The following ASTN2 variants were observed in gnomAD, a reference collection of about 807,000 sequenced individuals.
The protein encoded by ASTN2 is astrotactin-2.
ASTN2 carries 54 observed loss-of-function variants against 139.8 expected under a neutral mutation model. The ratio of observed to expected loss-of-function variants is 0.39; its 90% CI spans 0.31 to 0.48. ASTN2 has a LOEUF of 0.48. Ranked by LOEUF, ASTN2 falls within the 20% of genes least tolerant of loss-of-function variation. The pLI, the probability that ASTN2 is intolerant of heterozygous loss-of-function variation, is 0.95. For missense variants in ASTN2, 1,565 were observed against 1,725.1 expected (o/e 0.91, Z 1.64); for synonymous variants, 756 against 719.5 (o/e 1.05, Z -0.81).
intron 12 of ASTN2, among the ~76,000 whole-genome samples, chr9:116,814,959 T>C (rs979621372): frequency 1.3e-5 from 2 of 152,238 alleles, no homozygotes; most frequent in Non-Finnish European, 2.9e-5. Flanking sequence ...AACAAGGTTA[T>C]AATGTTTGAC....
At chr9:117,006,975 C>T (rs539064883) in intron 7 of ASTN2, among the ~76,000 whole-genome samples, 77 of 152,124 alleles carry the variant, frequency 5.1e-4, no homozygotes, top group Middle Eastern at 6.8e-3. Context: ...AAATTAGCGA[C>T]GTGTGGTGAT....
chr9:116,550,647 C>T (rs915831178), intron 19 of ASTN2, among the ~76,000 whole-genome samples: 6 of 152,070 alleles, frequency 3.9e-5, no homozygotes, highest in African/African-American at 7.2e-5. Context: ...CTCTTTTACT[C>T]GTGAAAGAAA....
At chr9:116,679,891 T>G (rs1182346638) in intron 16 of ASTN2, among the ~76,000 whole-genome samples, 2 of 152,280 alleles carry the variant, frequency 1.3e-5, no homozygotes, top group East Asian at 3.9e-4. Flanking sequence ...GAGGGAAATT[T>G]ATAGCAATAA....
intron 5 of ASTN2, among the ~76,000 whole-genome samples, chr9:117,063,533 G>T (rs1485992507): frequency 6.6e-6 from 1 of 152,132 alleles, no homozygotes; most frequent in African/African-American, 2.4e-5. Flanking sequence ...TGACTGTGAG[G>T]CCTCCCCAGC....
intron 3 of ASTN2, among the ~76,000 whole-genome samples, chr9:117,177,220 T>TATA (rs1364309455): frequency 6.6e-6 from 1 of 152,174 alleles, no homozygotes; most frequent in African/African-American, 2.4e-5. Flanking sequence ...ACAGTACCTG[T>TATA]ATAGGCCAAG....
rs16933596 is a variant in ASTN2, at chr9:116,487,688, C to A, written c.3356-188G>T. ...TGATGACTCTTTGTTCATATTTATG[C>A]GCAATTTTTTCATCCATAAAGTGGA... On this transcript the variant is annotated intron_variant, in intron 19 of 22. Coordinates refer to ENST00000313400, the MANE Select transcript of ASTN2 (RefSeq NM_001365068.1). 7.2e-5 allele frequency among the ~76,000 whole-genome samples: 11 copies of A among 152,208 alleles called. No individual in the cohort carries two copies. In the East Asian group the frequency reaches 2.1e-3, roughly 29 times the overall value.
chr9:116,652,171 A>G (rs1857954677), intron 16 of ASTN2, among the ~76,000 whole-genome samples: 1 of 151,932 alleles, frequency 6.6e-6, no homozygotes, highest in Non-Finnish European at 1.5e-5. Context: ...TAAAAATACA[A>G]AAAAATTAGC....
intron 3 of ASTN2, among the ~76,000 whole-genome samples, chr9:117,196,505 G>A (rs745673568): frequency 6.6e-6 from 1 of 152,162 alleles, no homozygotes; most frequent in Non-Finnish European, 1.5e-5. Flanking sequence ...CTGGGATCCT[G>A]AGAAATAGCA....
intron 3 of ASTN2, among the ~76,000 whole-genome samples, chr9:117,157,520 A>C (rs1200689360): frequency 6.6e-6 from 1 of 152,004 alleles, no homozygotes; most frequent in Non-Finnish European, 1.5e-5. Flanking sequence ...AAAGGGGGAG[A>C]ATATGGACTT....
At position 117,176,251 on chromosome 9, in the gene ASTN2, T is replaced by C. The variant is rs369665961; in HGVS notation, c.1016-34773A>G. ...GATTTTATTCATTGCTGGTGGAGTG[T>C]GGTAAGATAAAAAATTTAAAAGCAC... is the stretch of plus-strand genomic sequence containing the variant. On this transcript the variant is annotated intron_variant, in intron 3 of 22. Coordinates refer to ENST00000313400, the MANE Select transcript of ASTN2 (RefSeq NM_001365068.1). Among the ~76,000 whole-genome samples, 16 of 152,180 alleles carry C rather than the reference T, an allele frequency of 1.1e-4. No homozygotes were observed. In the East Asian group the frequency reaches 2.7e-3, roughly 26 times the overall value.
At chr9:117,327,406 A>G (rs935683531) in intron 1 of ASTN2, among the ~76,000 whole-genome samples, 8 of 152,194 alleles carry the variant, frequency 5.3e-5, no homozygotes, top group African/African-American at 1.9e-4. Flanking sequence ...CAACAGTCCC[A>G]TGGTAGAAAT....
At chr9:116,938,831 A>C (rs1205532268) in intron 10 of ASTN2, among the ~76,000 whole-genome samples, 1 of 152,234 alleles carries the variant, frequency 6.6e-6, no homozygotes, top group Non-Finnish European at 1.5e-5. Context: ...CTATTAAAAA[A>C]AGGGAATATT....
At chr9:117,102,822 A>C (rs1829013426) in intron 4 of ASTN2, among the ~76,000 whole-genome samples, 1 of 152,144 alleles carries the variant, frequency 6.6e-6, no homozygotes, top group East Asian at 1.9e-4. Flanking sequence ...GTGCCTGGCC[A>C]ATTAATGATT....
intron 2 of ASTN2, among the ~76,000 whole-genome samples, chr9:117,224,378 G>A (rs13293507): frequency 2.0e-5 from 3 of 151,926 alleles, no homozygotes; most frequent in Non-Finnish European, 2.9e-5. Context: ...TATTATTGAT[G>A]TAAGACCTTG....
chr9:116,838,587 C>CA (rs1284020290), intron 11 of ASTN2, among the ~76,000 whole-genome samples: 1 of 114,044 alleles, frequency 8.8e-6, no homozygotes, highest in African/African-American at 3.4e-5. Context: ...CCATGCCCAG[C>CA]AATTTTTTTT....
At chr9:116,981,988 T>G (rs978029302) in intron 7 of ASTN2, among the ~76,000 whole-genome samples, 4 of 152,202 alleles carry the variant, frequency 2.6e-5, no homozygotes, top group African/African-American at 9.6e-5. Flanking sequence ...TGGCTGCCAT[T>G]TGTTGAGGTC....
intron 5 of ASTN2, among the ~76,000 whole-genome samples, chr9:117,092,647 G>A (rs1278360996): frequency 6.6e-6 from 1 of 152,156 alleles, no homozygotes; most frequent in Non-Finnish European, 1.5e-5. Context: ...AATGCTATTA[G>A]ATGACCATTC....
chr9:117,204,103 G>C lies in ASTN2; in HGVS notation c.1015+10255C>G, dbSNP rs146129313. Among the ~76,000 whole-genome samples the C allele has an allele frequency of 4.5e-3, 689 of 152,318 alleles. 1 individual carries two copies. The highest frequency in any genetic ancestry group is 8.3e-3 in the Non-Finnish European group (563 of 68,024). On this transcript the variant is annotated intron_variant, in intron 3 of 22. Coordinates refer to ENST00000313400, the MANE Select transcript of ASTN2 (RefSeq NM_001365068.1). ...AGCCCCACCCACTGAGGAAGGATGG[G>C]TCAGGGTTACACCTGAACAGGCACT...
intron 13 of ASTN2, among the ~76,000 whole-genome samples, chr9:116,801,585 C>CAAAAAAAAAAAAAAAAA (rs397893932): frequency 4.5e-4 from 27 of 60,368 alleles, no homozygotes; most frequent in South Asian, 1.0e-3. Context: ...GGCTCTGTCT[C>CAAAAAAAAAAAAAAAAA]AAAAAAAAAA....
Sources: allele counts gnomAD v4.1 joint callset (sites outside exome capture counted in the v4.1 genomes callset), GRCh38; gene constraint gnomAD v4.1.1; transcripts MANE v1.5; gene names NCBI Gene and HGNC (gene_info 2026-07-23, HGNC 2026-07-21).